Variants in PCDHA10 observed in about 807,000 individuals in gnomAD.
PCDHA10 encodes protocadherin alpha 10.
PCDHA10 carries 45 observed loss-of-function variants against 61.2 expected under a neutral mutation model. The ratio of observed to expected loss-of-function variants is 0.74; its 90% CI spans 0.58 to 0.94. The LOEUF is 0.94. Among genes scored for constraint, PCDHA10 ranks in the 40% least tolerant of loss-of-function variants. The probability of loss-of-function intolerance (pLI) is 0.00; values close to 1 mark genes in which losing one functional copy is unlikely to be tolerated. For missense variants in PCDHA10, 1,278 were observed against 1,236.2 expected (o/e 1.03, Z -0.51); for synonymous variants, 602 against 548.8 (o/e 1.10, Z -1.35).
intron 1 of PCDHA10, chr5:140,927,063 C>T: frequency 6.2e-7 from 1 of 1,611,332 alleles, no homozygotes; most frequent in Non-Finnish European, 8.5e-7. Flanking sequence ...ACTTTCGCTT[C>T]CTTTCCAGCC....
chr5:140,933,902 A>C (rs1285587221), intron 1 of PCDHA10, among the ~76,000 whole-genome samples: 2 of 151,892 alleles, frequency 1.3e-5, no homozygotes, highest in African/African-American at 2.4e-5. Flanking sequence ...ATATTTTGGC[A>C]TAAAGTTGTT....
Position 140,857,694 on chromosome 5 carries a change from C to G in PCDHA10, c.1646C>G (p.Thr549Arg), listed in dbSNP as rs1554150531. The G allele has an allele frequency of 1.9e-6, 3 of 1,597,142 alleles. No homozygotes were observed. Among genetic ancestry groups the G allele is most frequent in the South Asian group, 1.1e-5 (1 of 90,520 alleles). The change falls in exon 1 of 4, where the codon ACG (threonine) becomes AGG (arginine). Residue 549 changes from threonine to arginine, a missense_variant. Transcript: ENST00000307360. ...GTGCCGCCTCTGGGCAGCAACTTGACGCTGCAGGTGTTCGTGCTGGACGAG... is the reference window on the plus strand; with the variant it reads ...GTGCCGCCTCTGGGCAGCAACTTGAGGCTGCAGGTGTTCGTGCTGGACGAG... ...GGVPPLGSNLTLQVFVLDEND... is the reference protein window; with the variant it reads ...GGVPPLGSNLRLQVFVLDEND...
At chr5:140,883,474 G>C in intron 1 of PCDHA10, 1 of 1,614,126 alleles carries the variant, frequency 6.2e-7, no homozygotes, top group Middle Eastern at 1.7e-4. Flanking sequence ...CCACCTACAA[G>C]AACTACTACT....
intron 1 of PCDHA10, among the ~76,000 whole-genome samples, chr5:140,956,811 C>T (rs1349300314): frequency 6.6e-6 from 1 of 152,108 alleles, no homozygotes; most frequent in African/African-American, 2.4e-5. Context: ...TTTATTATTG[C>T]TTCAATTTGT....
Position 140,857,887 on chromosome 5 carries a change from G to A in PCDHA10, c.1839G>A (p.Ala613=), listed in dbSNP as rs2044983684. The change falls in exon 1 of 4, where the codon GCG becomes GCA. Residue 613 remains alanine, a synonymous_variant. Transcript: ENST00000307360. ...NAWLSYELQS[A]AVGARIPFRV... ...GGCTGTCGTATGAATTGCAGTCGGC[G>A]GCGGTTGGTGCACGCATCCCGTTTC... 6 of 1,597,818 alleles carry A rather than the reference G, an allele frequency of 3.8e-6. No homozygotes were observed. The highest frequency in any genetic ancestry group is 1.7e-4 in the Middle Eastern group (1 of 5,986).
Position 140,856,628 on chromosome 5 carries a change from G to C in PCDHA10, c.580G>C (p.Val194Leu), listed in dbSNP as rs782445037. The change falls in exon 1 of 4, where the codon GTT becomes CTT. Residue 194 changes from valine to leucine, a missense_variant. Transcript: ENST00000307360. ...AGACAAAGACAAATTCCCAGTGCTT[G>C]TTCTGCGGAAGCTGCTGGATCGTGA... ...KKDKDKFPVL[V>L]LRKLLDREEN... 1.9e-6 allele frequency: 3 copies of C among 1,598,180 alleles called. No homozygotes were observed. The highest frequency in any genetic ancestry group is 4.5e-5 in the East Asian group (2 of 44,860).
intron 1 of PCDHA10, among the ~76,000 whole-genome samples, chr5:140,933,649 T>G (rs1259214104): frequency 6.6e-6 from 1 of 152,058 alleles, no homozygotes; most frequent in Non-Finnish European, 1.5e-5. Flanking sequence ...AAGTTGGAAA[T>G]CCTGTCTCTC....
In PCDHA10 at chr5:140,857,735, G is replaced by A. The variant is rs782288464; in HGVS notation, c.1687G>A (p.Ala563Thr). ...FVLDENDNAP[A>T]LLASPAGSAG... ...GCTGGACGAGAACGACAACGCTCCCGCGCTGCTGGCGTCTCCCGCTGGCAG... is the reference window on the plus strand; with the variant it reads ...GCTGGACGAGAACGACAACGCTCCCACGCTGCTGGCGTCTCCCGCTGGCAG... The change falls in exon 1 of 4, where the codon GCG becomes ACG. Residue 563 changes from alanine to threonine, a missense_variant. Physicochemically the swap from Ala to Thr is moderately conservative, Grantham distance 58 (BLOSUM62 0). Transcript: ENST00000307360. 1 of 1,597,334 alleles carries A rather than the reference G, an allele frequency of 6.3e-7. No individual in the cohort carries two copies.
Position 140,856,076 on chromosome 5 carries a change from G to T in PCDHA10, c.28G>T (p.Val10Phe). MVSRCSCLGVQCLLLSLLLL... is the reference protein window; with the variant it reads MVSRCSCLGFQCLLLSLLLL... ...GGTTTCCAGATGTAGCTGCCTGGGG[G>T]TCCAGTGTCTGCTGCTCTCGCTTCT... The change falls in exon 1 of 4, where the codon GTC (valine) becomes TTC (phenylalanine). Residue 10 changes from valine to phenylalanine, a missense_variant. Transcript: ENST00000307360. 6.3e-7 allele frequency: 1 copy of T among 1,593,874 alleles called. No individual in the cohort carries two copies. The highest frequency in any genetic ancestry group is 8.6e-7 in the Non-Finnish European group (1 of 1,164,792).
rs145253621 is a variant in PCDHA10, at chr5:140,991,776, T to A, written c.2536+9213T>A. 4.1e-3 allele frequency among the ~76,000 whole-genome samples: 632 copies of A among 152,312 alleles called. 6 individuals carry two copies. Among genetic ancestry groups the A allele is most frequent in the South Asian group, 0.036 (174 of 4,822 alleles). ...CATGCTCTTCAAAATTCTTCTAGACTCTGCCCATTTCCCAATCTCAAGGCC... is the reference window on the plus strand; with the variant it reads ...CATGCTCTTCAAAATTCTTCTAGACACTGCCCATTTCCCAATCTCAAGGCC... On this transcript the variant is annotated intron_variant, in intron 3 of 3. Coordinates refer to ENST00000307360, the MANE Select transcript of PCDHA10 (RefSeq NM_018901.4).
intron 1 of PCDHA10, among the ~76,000 whole-genome samples, chr5:140,949,545 T>G (rs1173643616): frequency 6.6e-6 from 1 of 151,906 alleles, no homozygotes; most frequent in Non-Finnish European, 1.5e-5. Flanking sequence ...ATCGATTTGT[T>G]GCTGGTCATA....
In PCDHA10 at chr5:140,857,197, G is replaced by A; in HGVS notation, c.1149G>A (p.Gln383=). 1.3e-6 allele frequency: 2 copies of A among 1,598,586 alleles called. No individual in the cohort carries two copies. Among genetic ancestry groups the A allele is most frequent in the South Asian group, 1.1e-5 (1 of 90,554 alleles). Residue 383 remains glutamine, a synonymous_variant, in exon 1 of 4, where the codon CAG becomes CAA. Transcript: ENST00000307360. ...ACCATGATTCAGGAGCCAACGGACAGGTCACCTGCTCTCTGACGCCTCACG... is the reference window on the plus strand; with the variant it reads ...ACCATGATTCAGGAGCCAACGGACAAGTCACCTGCTCTCTGACGCCTCACG... ...VSDHDSGANG[Q]VTCSLTPHVP... is the part of the protein sequence containing the mutation.
intron 1 of PCDHA10, chr5:140,876,900 G>T: frequency 1.2e-6 from 2 of 1,614,114 alleles, no homozygotes; most frequent in East Asian, 2.2e-5. Context: ...ACATCTTCAC[G>T]GTGTCGGCAT....
chr5:140,961,434 A>G (rs2095611315), intron 1 of PCDHA10, among the ~76,000 whole-genome samples: 1 of 152,174 alleles, frequency 6.6e-6, no homozygotes, highest in African/African-American at 2.4e-5. Context: ...TTACAAAATC[A>G]CCTAACTACA....
At chr5:140,982,353 C>G (rs2096979519) in intron 2 of PCDHA10, 122 bp from the exon 3 acceptor site, 1 of 1,509,284 alleles carries the variant, frequency 6.6e-7, no homozygotes, top group East Asian at 2.4e-5. Flanking sequence ...TCAGTTCAAG[C>G]ATGAGCAGAA....
rs1205846373 is a variant in PCDHA10 at position 140,858,213 on chromosome 5, C to T, written c.2165C>T (p.Ser722Leu). Reference sequence around the variant, plus strand: ...CTGCTGTACACTGCACTGAGGTGCTCGGCGGCGCCCACCGAGGGCGCATGT... The same window carrying T: ...CTGCTGTACACTGCACTGAGGTGCTTGGCGGCGCCCACCGAGGGCGCATGT... Reference protein sequence around the residue: ...TLLLYTALRCSAAPTEGACGP... With the variant: ...TLLLYTALRCLAAPTEGACGP... The change falls in exon 1 of 4, where the codon TCG becomes TTG. Residue 722 changes from serine (S) to leucine (L), a missense_variant. Physicochemically the swap from Ser to Leu is moderately radical, Grantham distance 145 (BLOSUM62 -2). Coordinates refer to ENST00000307360, the MANE Select transcript of PCDHA10 (RefSeq NM_018901.4). 13 of 1,594,002 alleles carry T rather than the reference C, an allele frequency of 8.2e-6. 3 individuals are homozygous for T. Among genetic ancestry groups the T allele is most frequent in the Non-Finnish European group, 1.1e-5 (13 of 1,165,570 alleles).
chr5:140,883,467 CCTACAAGAA>C (rs1554178369), intron 1 of PCDHA10: 1 of 1,614,170 alleles, frequency 6.2e-7, no homozygotes, highest in East Asian at 2.2e-5. Flanking sequence ...CTGGTGTCCA[CCTACAAGAA>C]CTACTACTCA....
At chr5:140,970,316 A>G (rs547261671) in intron 1 of PCDHA10, among the ~76,000 whole-genome samples, 1 of 152,342 alleles carries the variant, frequency 6.6e-6, no homozygotes, top group African/African-American at 2.4e-5. Flanking sequence ...GTTAAATGAC[A>G]GTACTTCCAA....
intron 1 of PCDHA10, chr5:140,877,626 C>T: frequency 6.2e-7 from 1 of 1,613,828 alleles, no homozygotes; most frequent in African/African-American, 1.3e-5. Context: ...TGCTGCTGTA[C>T]ACTGCGCTGC....
Sources: allele counts gnomAD v4.1 joint callset (sites outside exome capture counted in the v4.1 genomes callset), GRCh38; gene constraint gnomAD v4.1.1; transcripts MANE v1.5; gene names NCBI Gene and HGNC (gene_info 2026-07-23, HGNC 2026-07-21).